CAMK1D: variants seen among roughly 807,000 people sequenced by gnomAD.
CAMK1D encodes the protein calcium/calmodulin-dependent protein kinase type 1D.
A neutral mutation model predicts 47.7 loss-of-function variants in CAMK1D; 9 were observed. The observed-to-expected ratio is 0.19, with a 90% confidence interval of 0.11 to 0.33. CAMK1D has a LOEUF of 0.33. CAMK1D is among the 10% of genes least tolerant of loss of function. The probability of loss-of-function intolerance (pLI) is 1.00; values close to 1 mark genes in which losing one functional copy is unlikely to be tolerated. For missense variants in CAMK1D, 291 were observed against 488.7 expected (o/e 0.60, Z 3.81); for synonymous variants, 184 against 184.9 (o/e 0.99, Z 0.04).
At chr10:12,671,830 T>C (rs1242667468) in intron 3 of CAMK1D, among the ~76,000 whole-genome samples, 1 of 151,950 alleles carries the variant, frequency 6.6e-6, no homozygotes, top group Non-Finnish European at 1.5e-5. Context: ...ACAAAAGTTT[T>C]TTAACTTTGA....
At position 12,625,771 on chromosome 10, in the gene CAMK1D, C is replaced by T. The variant is rs117892791; in HGVS notation, c.225-40965C>T. Among the ~76,000 whole-genome samples, 49 of 152,070 alleles carry T rather than the reference C, an allele frequency of 3.2e-4. 1 individual carries two copies. In the East Asian group the frequency reaches 7.6e-3, roughly 23 times the overall value. On this transcript the variant is annotated intron_variant, in intron 2 of 10. Coordinates refer to ENST00000619168, the MANE Select transcript of CAMK1D (RefSeq NM_153498.4). ...GTCAGATTATAGTAGACTCCTTACACGTCTTCACTTGAAGTTTTAAAAGAT... is the reference window on the plus strand; with the variant it reads ...GTCAGATTATAGTAGACTCCTTACATGTCTTCACTTGAAGTTTTAAAAGAT...
Position 12,632,763 on chromosome 10 carries a change from C to T in CAMK1D, c.225-33973C>T, listed in dbSNP as rs141543161. Among the ~76,000 whole-genome samples, 795 of 152,118 alleles carry T rather than the reference C, an allele frequency of 5.2e-3. 3 individuals are homozygous for T. The highest frequency in any genetic ancestry group is 7.8e-3 in the Non-Finnish European group (527 of 67,980). ...AGGCTGGACTGCAGTGGCATGATCT[C>T]GGCTCCCTGCAACCTCCAACTCCCT... On this transcript the variant is annotated intron_variant, in intron 2 of 10. Coordinates refer to ENST00000619168, the MANE Select transcript of CAMK1D (RefSeq NM_153498.4).
At chr10:12,466,933 TCTGGAACTTC>T (rs1043639974) in intron 1 of CAMK1D, among the ~76,000 whole-genome samples, 1 of 152,130 alleles carries the variant, frequency 6.6e-6, no homozygotes, top group Non-Finnish European at 1.5e-5. Flanking sequence ...GTTTAAAATC[TCTGGAACTTC>T]CTGGCCAAAA....
At position 12,427,715 on chromosome 10, in the gene CAMK1D, T is replaced by TTG. The variant is rs1296151475; in HGVS notation, c.92+77806_92+77807insGT. Among the ~76,000 whole-genome samples the TTG allele has an allele frequency of 3.0e-4, 36 of 119,098 alleles. 1 individual carries two copies. Among genetic ancestry groups the TTG allele is most frequent in the Non-Finnish European group, 7.2e-5 (4 of 55,840 alleles). The allele number at this position is 119,098 out of a possible 152,430, so 78.1% of individuals were successfully genotyped here. A position where few individuals can be genotyped will look rare whatever the true frequency, so the allele number is the denominator to read the frequency against. On this transcript the variant is annotated intron_variant, in intron 1 of 10. Coordinates refer to ENST00000619168, the MANE Select transcript of CAMK1D (RefSeq NM_153498.4). ...TGAACTTACTGTTTTTTTTTTTTTT[T>TTG]TTTTTTTTTTGAGACGGAGTCTTGC... is the stretch of plus-strand genomic sequence containing the variant.
intron 3 of CAMK1D, among the ~76,000 whole-genome samples, chr10:12,752,995 C>G (rs1340997730): frequency 6.6e-6 from 1 of 152,190 alleles, no homozygotes; most frequent in African/African-American, 2.4e-5. Flanking sequence ...CCTGTAATCC[C>G]AGCACTTTGG....
intron 4 of CAMK1D, among the ~76,000 whole-genome samples, chr10:12,764,138 T>C (rs1011390646): frequency 6.6e-6 from 1 of 152,180 alleles, no homozygotes; most frequent in South Asian, 2.1e-4. Flanking sequence ...CCCAGCACTT[T>C]GGGAGGCGGA....
chr10:12,509,544 C>G (rs1462057602), intron 1 of CAMK1D, among the ~76,000 whole-genome samples: 1 of 152,150 alleles, frequency 6.6e-6, no homozygotes, highest in Non-Finnish European at 1.5e-5. Context: ...CCCAGGAGTT[C>G]AAGACCAGCC....
intron 4 of CAMK1D, among the ~76,000 whole-genome samples, chr10:12,765,191 C>G (rs1425332577): frequency 6.6e-6 from 1 of 152,244 alleles, no homozygotes; most frequent in Non-Finnish European, 1.5e-5. Context: ...TGACTCTTAA[C>G]TGCCATCCCT....
At chr10:12,462,163 T>G (rs943456663) in intron 1 of CAMK1D, among the ~76,000 whole-genome samples, 9 of 140,638 alleles carry the variant, frequency 6.4e-5, no homozygotes, top group African/African-American at 2.0e-4. Context: ...AGAGTTTTTT[T>G]TTTTTTTTTT....
intron 1 of CAMK1D, among the ~76,000 whole-genome samples, chr10:12,371,316 C>G (rs966660405): frequency 6.6e-6 from 1 of 152,222 alleles, no homozygotes; most frequent in African/African-American, 2.4e-5. Context: ...GTGGCTCACA[C>G]CTGTAATCCC....
chr10:12,777,579 G>A (rs1837314718), intron 5 of CAMK1D, among the ~76,000 whole-genome samples: 1 of 151,898 alleles, frequency 6.6e-6, no homozygotes, highest in Non-Finnish European at 1.5e-5. Context: ...TCTCCATATT[G>A]GTCAGGCTGG....
intron 1 of CAMK1D, among the ~76,000 whole-genome samples, chr10:12,402,747 C>T (rs959518953): frequency 1.3e-5 from 2 of 152,016 alleles, no homozygotes; most frequent in African/African-American, 4.8e-5. Flanking sequence ...ATCCCTGAGG[C>T]AGTCACTTCA....
At chr10:12,781,055 A>G (rs1837471678) in intron 5 of CAMK1D, among the ~76,000 whole-genome samples, 1 of 152,196 alleles carries the variant, frequency 6.6e-6, no homozygotes, top group Non-Finnish European at 1.5e-5. Context: ...AGTCCCACAG[A>G]GTCGCTCTGA....
chr10:12,828,316 G>A (rs1287972291), intron 10 of CAMK1D, among the ~76,000 whole-genome samples: 1 of 152,108 alleles, frequency 6.6e-6, no homozygotes, highest in Non-Finnish European at 1.5e-5. Context: ...TTTCCCACAG[G>A]TAGGTAAAAA....
chr10:12,673,398 TA>T (rs1256743716), intron 3 of CAMK1D, among the ~76,000 whole-genome samples: 2 of 152,210 alleles, frequency 1.3e-5, no homozygotes, highest in African/African-American at 4.8e-5. Context: ...AAATATTTTT[TA>T]TTCTATTTTC....
At chr10:12,485,120 CAAG>C (rs904711039) in intron 1 of CAMK1D, among the ~76,000 whole-genome samples, 2 of 152,228 alleles carry the variant, frequency 1.3e-5, no homozygotes, top group African/African-American at 4.8e-5. Context: ...TATTTCTAAG[CAAG>C]AATGCACACG....
At chr10:12,817,880 G>C in intron 8 of CAMK1D, among the ~76,000 whole-genome samples, 1 of 152,072 alleles carries the variant, frequency 6.6e-6, no homozygotes, top group East Asian at 1.9e-4. Context: ...GTAGAGACAG[G>C]GTTTCGCCAT....
intron 1 of CAMK1D, among the ~76,000 whole-genome samples, chr10:12,381,807 G>T (rs1838356398): frequency 6.6e-6 from 1 of 152,132 alleles, no homozygotes; most frequent in African/African-American, 2.4e-5. Flanking sequence ...GGTACCAGGG[G>T]CATGTTTAAT....
chr10:12,746,960 G>A (rs986868195), intron 3 of CAMK1D, among the ~76,000 whole-genome samples: 1 of 152,196 alleles, frequency 6.6e-6, no homozygotes, highest in Admixed American at 6.5e-5. Flanking sequence ...CAAAGTAACA[G>A]CCAATAGGAG....
Sources: allele counts gnomAD v4.1 joint callset (sites outside exome capture counted in the v4.1 genomes callset), GRCh38; gene constraint gnomAD v4.1.1; transcripts MANE v1.5; gene names NCBI Gene and HGNC (gene_info 2026-07-23, HGNC 2026-07-21).